The following DLGAP2 variants were observed in gnomAD, a reference collection of about 807,000 sequenced individuals.
The protein encoded by DLGAP2 is disks large-associated protein 2.
DLGAP2 carries 26 observed loss-of-function variants against 100.3 expected under a neutral mutation model. That is an observed-to-expected ratio of 0.26 (90% CI 0.19 to 0.36). DLGAP2 has a LOEUF of 0.36. Ranked by LOEUF, DLGAP2 falls within the 10% of genes least tolerant of loss-of-function variation. The probability of loss-of-function intolerance (pLI) is 1.00; values close to 1 mark genes in which losing one functional copy is unlikely to be tolerated. For synonymous variants in DLGAP2, 886 were observed against 630.1 expected, an observed-to-expected ratio of 1.41 and a Z score of -6.08; for missense variants, 1,858 against 1,453.2, an observed-to-expected ratio of 1.28 and a Z score of -4.53.
At chr8:1,010,690 AC>A (rs1801255310) in intron 2 of DLGAP2, among the ~76,000 whole-genome samples, 1 of 152,250 alleles carries the variant, frequency 6.6e-6, no homozygotes, top group Non-Finnish European at 1.5e-5. Context: ...CATTTCAGGA[AC>A]CTAAGAATAA....
At chr8:1,681,982 C>G (rs1798962159) in intron 12 of DLGAP2, among the ~76,000 whole-genome samples, 1 of 143,150 alleles carries the variant, frequency 7.0e-6, no homozygotes, top group Admixed American at 6.7e-5. Context: ...TCACGGCCCT[C>G]TGACATTGAA....
chr8:1,263,796 C>T (rs1031214859), intron 3 of DLGAP2, among the ~76,000 whole-genome samples: 1 of 152,148 alleles, frequency 6.6e-6, no homozygotes, highest in African/African-American at 2.4e-5. Context: ...ACCACTGTTT[C>T]AAAGACAGCT....
intron 2 of DLGAP2, among the ~76,000 whole-genome samples, chr8:1,012,887 T>C (rs1011236496): frequency 6.6e-6 from 1 of 151,618 alleles, no homozygotes. Context: ...CACTGTCCCA[T>C]GAGTATGTGT....
intron 1 of DLGAP2, among the ~76,000 whole-genome samples, chr8:783,523 C>T (rs1014733121): frequency 2.6e-5 from 4 of 152,204 alleles, no homozygotes; most frequent in South Asian, 4.1e-4. Context: ...GCACAGCAGA[C>T]TTCACAATAT....
chr8:1,685,105 G>T (rs534074061), intron 12 of DLGAP2, among the ~76,000 whole-genome samples: 3 of 151,494 alleles, frequency 2.0e-5, no homozygotes, highest in African/African-American at 2.4e-5. Context: ...GTGTGACTTT[G>T]TATCTCCTGG....
chr8:1,254,990 G>A (rs1487572606), intron 2 of DLGAP2, among the ~76,000 whole-genome samples: 1 of 131,410 alleles, frequency 7.6e-6, no homozygotes. Flanking sequence ...TGCTGTGTGT[G>A]TGTCCTCTCA....
chr8:1,323,908 A>G (rs572483331), intron 3 of DLGAP2, among the ~76,000 whole-genome samples: 1 of 152,234 alleles, frequency 6.6e-6, no homozygotes, highest in South Asian at 2.1e-4. Context: ...TTATTTGTTT[A>G]TTATTTATGC....
intron 3 of DLGAP2, among the ~76,000 whole-genome samples, chr8:1,305,224 A>G (rs1221268723): frequency 6.6e-6 from 1 of 152,166 alleles, no homozygotes; most frequent in Non-Finnish European, 1.5e-5. Flanking sequence ...TGAAAGTAGC[A>G]TCTCTCAATG....
chr8:1,529,494 G>C (rs1276200277), intron 4 of DLGAP2, among the ~76,000 whole-genome samples: 2 of 152,170 alleles, frequency 1.3e-5, no homozygotes, highest in African/African-American at 4.8e-5. Context: ...CTGAGGGTTG[G>C]AGTGTTCATC....
At chr8:911,729 T>TATGTTGGAAGGATGCTGGAGA (rs1253282279) in intron 2 of DLGAP2, among the ~76,000 whole-genome samples, 5 of 151,910 alleles carry the variant, frequency 3.3e-5, no homozygotes, top group Non-Finnish European at 5.9e-5. Context: ...GGGTATAATG[T>TATGTTGGAAGGATGCTGGAGA]ATGTTGGAAG....
intron 3 of DLGAP2, among the ~76,000 whole-genome samples, chr8:1,362,389 A>G (rs1035395863): frequency 2.3e-5 from 3 of 128,628 alleles, no homozygotes; most frequent in East Asian, 2.0e-4. Context: ...CCATCTTCCC[A>G]TGTCCCATGC....
In DLGAP2 at chr8:1,701,246, T is replaced by C. The variant is rs746451975; in HGVS notation, c.3008T>C (p.Ile1003Thr). 36 of 1,579,872 alleles carry C rather than the reference T, an allele frequency of 2.3e-5. No homozygotes were observed. Among genetic ancestry groups the C allele is most frequent in the Non-Finnish European group, 3.0e-5 (35 of 1,163,672 alleles). Residue 1003 changes from isoleucine (I) to threonine (T), a missense_variant, in exon 15 of 15, where the codon ATC becomes ACC. Coordinates refer to ENST00000637795, the MANE Select transcript of DLGAP2 (RefSeq NM_001346810.2). Reference sequence around the variant, plus strand: ...AAGCCTCCCAAGGGGAAGTTTCCCATCACAAGAGAAAAATCCCTGGACCTG... The same window carrying C: ...AAGCCTCCCAAGGGGAAGTTTCCCACCACAAGAGAAAAATCCCTGGACCTG... ...PKKPPKGKFPITREKSLDLPD... is the reference protein window; with the variant it reads ...PKKPPKGKFPTTREKSLDLPD...
At chr8:1,628,089 G>A (rs112713012) in intron 7 of DLGAP2, among the ~76,000 whole-genome samples, 2 of 118,472 alleles carry the variant, frequency 1.7e-5, no homozygotes, top group Non-Finnish European at 3.4e-5. Context: ...TTACTGTGGA[G>A]CAGGAATTAA....
chr8:1,335,418 C>T (rs541127605), intron 3 of DLGAP2, among the ~76,000 whole-genome samples: 4 of 152,312 alleles, frequency 2.6e-5, no homozygotes, highest in East Asian at 1.9e-4. Context: ...GTTCTGTGGG[C>T]TGACACTATG....
intron 2 of DLGAP2, among the ~76,000 whole-genome samples, chr8:1,045,095 C>T (rs531163124): frequency 1.1e-4 from 17 of 152,312 alleles, no homozygotes; most frequent in African/African-American, 2.6e-4. Context: ...GCTGAATGCC[C>T]GGTCCATTCC....
chr8:1,315,904 T>A (rs374939292), intron 3 of DLGAP2, among the ~76,000 whole-genome samples: 1 of 118,008 alleles, frequency 8.5e-6, no homozygotes, highest in East Asian at 2.9e-4. Context: ...ACTTGGCAGC[T>A]TTTAAAAATA....
At chr8:1,362,784 T>C (rs961932068) in intron 3 of DLGAP2, among the ~76,000 whole-genome samples, 3 of 152,246 alleles carry the variant, frequency 2.0e-5, no homozygotes, top group Non-Finnish European at 2.9e-5. Flanking sequence ...TTTGACCCCA[T>C]GCATTTGGGA....
intron 3 of DLGAP2, among the ~76,000 whole-genome samples, chr8:1,335,999 CA>C (rs1356510218): frequency 6.6e-6 from 1 of 152,112 alleles, no homozygotes; most frequent in Non-Finnish European, 1.5e-5. Flanking sequence ...TAAAGAGCTC[CA>C]GGGGGGAAAA....
At chr8:1,008,739 C>G (rs775794423) in intron 2 of DLGAP2, among the ~76,000 whole-genome samples, 4 of 152,324 alleles carry the variant, frequency 2.6e-5, no homozygotes, top group Non-Finnish European at 5.9e-5. Flanking sequence ...CCCGCTCCCC[C>G]ACCCCAGCAC....
Sources: gnomAD v4.1 joint callset for allele counts (sites outside exome capture counted in the v4.1 genomes callset) on GRCh38, gnomAD v4.1.1 for gene constraint, MANE v1.5 for transcripts, NCBI Gene and HGNC (gene_info 2026-07-23, HGNC 2026-07-21) for gene names.